The following CCDC110 variants were observed in gnomAD, a reference collection of about 807,000 sequenced individuals.
CCDC110 encodes coiled-coil domain containing 110, also known as coiled-coil domain-containing protein 110.
A neutral mutation model predicts 77.1 loss-of-function variants in CCDC110; 70 were observed. That is an observed-to-expected ratio of 0.91 (90% CI 0.75 to 1.11). The LOEUF is 1.11. CCDC110 is among the 50% of genes least tolerant of loss of function. The pLI is 0.00. For synonymous variants in CCDC110, 295 were observed against 312.5 expected (o/e 0.94, Z 0.59); for missense variants, 868 against 942.9 (o/e 0.92, Z 1.04).
chr4:185,462,853 G>GCTAA (rs1489798652), intron 3 of CCDC110, 141 bp downstream of exon 3: 3 of 1,013,996 alleles, frequency 3.0e-6, no homozygotes, highest in African/African-American at 3.2e-5. Context: ...TAGGCATTTT[G>GCTAA]CTAACTCCCC....
chr4:185,454,865 C>T (rs1208844455), intron 6 of CCDC110, among the ~76,000 whole-genome samples: 2 of 152,080 alleles, frequency 1.3e-5, no homozygotes, highest in Non-Finnish European at 2.9e-5. Context: ...TGGGGTCAAG[C>T]GATCCTCCTA....
At chr4:185,450,462 C>T (rs1389308068) in intron 6 of CCDC110, among the ~76,000 whole-genome samples, 1 of 152,122 alleles carries the variant, frequency 6.6e-6, no homozygotes, top group African/African-American at 2.4e-5. Flanking sequence ...AAAATATCTG[C>T]TCTAAGCCAG....
rs559020515 is a variant in CCDC110 at position 185,462,478 on chromosome 4, G to A, written c.237+165C>T. 2.6e-5 allele frequency among the ~76,000 whole-genome samples: 4 copies of A among 152,342 alleles called. No individual in the cohort carries two copies. In the South Asian group the frequency reaches 8.3e-4, roughly 32 times the overall value. ...TTTCCAAATACAAGTATAACAGAGA[G>A]AAGAATGTAGTTTCTTTAAAATAAA... On this transcript the variant is annotated intron_variant, in intron 4 of 6. Coordinates refer to ENST00000307588, the MANE Select transcript of CCDC110 (RefSeq NM_152775.4).
intron 2 of CCDC110, among the ~76,000 whole-genome samples, chr4:185,464,627 G>A (rs72712062): frequency 0.078 from 11,868 of 152,098 alleles, 556 homozygotes; most frequent in African/African-American, 0.12. Context: ...AGTGCAAATC[G>A]GGAAGAATAT....
At position 185,460,163 on chromosome 4, in the gene CCDC110, C is replaced by T. The variant is rs768938977; in HGVS notation, c.424G>A (p.Val142Met). 1 of 1,612,660 alleles carries T rather than the reference C, an allele frequency of 6.2e-7. No homozygotes were observed. The highest frequency in any genetic ancestry group is 8.5e-7 in the Non-Finnish European group (1 of 1,179,842). ...HFEDSKTLHS[V>M]EEKLSGDSVN... Reference sequence around the variant, plus strand: ...CTATCACCACTTAATTTTTCTTCCACTGAATGAAGTGTCTTGGAATCCTCA... The same window carrying T: ...CTATCACCACTTAATTTTTCTTCCATTGAATGAAGTGTCTTGGAATCCTCA... Residue 142 changes from valine to methionine, a missense_variant, in exon 6 of 7, where the codon GTG (valine) becomes ATG (methionine). Transcript: ENST00000307588.
Position 185,446,362 on chromosome 4 carries a change from T to C in CCDC110, c.2462-820A>G, listed in dbSNP as rs149260925. On this transcript the variant is annotated intron_variant, in intron 6 of 6. Coordinates refer to ENST00000307588, the MANE Select transcript of CCDC110 (RefSeq NM_152775.4). ...TGATACTGTCTTAAAACTTTGATAA[T>C]TTGGGGTGCTCTAACTTAGATGGTG... 9.2e-5 allele frequency among the ~76,000 whole-genome samples: 14 copies of C among 152,290 alleles called. No individual in the cohort carries two copies. The East Asian group carries it at 2.7e-3, about 29-fold the overall frequency.
chr4:185,445,287 C>A lies in CCDC110; in HGVS notation c.*215G>T. The stretch of plus-strand genomic sequence containing the variant: ...GCTCCTTCCATGTACAGGTACCTGC[C>A]CTCCCTTGTAGAAGTTCTCCCCCAT... On this transcript the variant is annotated 3_prime_UTR_variant, in exon 7 of 7. Coordinates refer to ENST00000307588, the MANE Select transcript of CCDC110 (RefSeq NM_152775.4). 1 of 734,332 alleles carries A rather than the reference C, an allele frequency of 1.4e-6. No homozygotes were observed. The highest frequency in any genetic ancestry group is 2.2e-6 in the Non-Finnish European group (1 of 459,308). The allele number at this position is 734,332 out of a possible 1,614,324, so 45.5% of individuals were successfully genotyped here. A position where few individuals can be genotyped will look rare whatever the true frequency, so the allele number is the denominator to read the frequency against.
intron 3 of CCDC110, 117 bp from the exon 4 acceptor site, chr4:185,462,825 T>A (rs867319181): frequency 4.8e-6 from 5 of 1,036,546 alleles, no homozygotes; most frequent in Middle Eastern, 2.0e-4. Context: ...CCCGTGAGGG[T>A]CAGGTGGTTC....
intron 5 of CCDC110, among the ~76,000 whole-genome samples, chr4:185,460,493 T>G (rs1204662186): frequency 1.3e-5 from 2 of 152,188 alleles, no homozygotes; most frequent in Non-Finnish European, 2.9e-5. Context: ...ACCCCTCAAT[T>G]TCAGAAATAT....
chr4:185,449,582 T>C, intron 6 of CCDC110: 1 of 1,517,798 alleles, frequency 6.6e-7, no homozygotes, highest in Non-Finnish European at 8.9e-7. Context: ...TGTGTGTTTA[T>C]TTTCCAATTT....
At chr4:185,465,453 C>CT (rs767742394) in intron 2 of CCDC110, among the ~76,000 whole-genome samples, 4 of 152,130 alleles carry the variant, frequency 2.6e-5, no homozygotes, top group South Asian at 2.1e-4. Flanking sequence ...TCTCTTCTTC[C>CT]TTTTTTGGCC....
At position 185,449,806 on chromosome 4, in the gene CCDC110, A is replaced by G. The variant is rs1379210352; in HGVS notation, c.2462-4264T>C. 17 of 459,612 alleles carry G rather than the reference A, an allele frequency of 3.7e-5. No homozygotes were observed. In the South Asian group the frequency reaches 8.5e-4, roughly 23 times the overall value. 28.5% of individuals were successfully genotyped at this position (459,612 alleles called of 1,614,324 possible). The stretch of plus-strand genomic sequence containing the variant: ...TTCCTTATTTTAATACTACTAGTTA[A>G]TAAATAGTATTTGCTAATAACACGT... On this transcript the variant is annotated intron_variant, in intron 6 of 6. Coordinates refer to ENST00000307588, the MANE Select transcript of CCDC110 (RefSeq NM_152775.4).
chr4:185,449,696 C>A, intron 6 of CCDC110: 1 of 1,230,526 alleles, frequency 8.1e-7, no homozygotes, highest in Non-Finnish European at 1.1e-6. Flanking sequence ...AATTCACTAT[C>A]AAGAGCTAAT....
chr4:185,457,721 G>T, intron 6 of CCDC110: 8 of 1,248,006 alleles, frequency 6.4e-6, no homozygotes, highest in Non-Finnish European at 8.5e-6. Flanking sequence ...TTTGTGGGGG[G>T]AAAAAGTACT....
chr4:185,456,335 A>G (rs1412624450), intron 6 of CCDC110, among the ~76,000 whole-genome samples: 1 of 152,224 alleles, frequency 6.6e-6, no homozygotes, highest in Non-Finnish European at 1.5e-5. Context: ...CTGTGATGCT[A>G]TTAATGCAGG....
At chr4:185,461,989 T>C (rs939126338) in intron 4 of CCDC110, among the ~76,000 whole-genome samples, 2 of 152,058 alleles carry the variant, frequency 1.3e-5, no homozygotes, top group African/African-American at 4.8e-5. Context: ...TCCCAGCTAC[T>C]CAGGAGGCTG....
chr4:185,465,510 G>A (rs766953287), intron 2 of CCDC110, among the ~76,000 whole-genome samples: 1 of 152,198 alleles, frequency 6.6e-6, no homozygotes, highest in Admixed American at 6.5e-5. Flanking sequence ...ACCCATGGGA[G>A]CACAAGATGA....
rs2153322737 is a variant in CCDC110, at chr4:185,462,999, A to G, written c.166T>C (p.Leu56=). 1 of 1,613,068 alleles carries G rather than the reference A, an allele frequency of 6.2e-7. No homozygotes were observed. The highest frequency in any genetic ancestry group is 8.5e-7 in the Non-Finnish European group (1 of 1,179,056). ...SENQIQPQSA[L]KVLQQQLESF... Reference sequence around the variant, plus strand: ...AAAATGGAATATAGACTCACTTTCAATGCTGATTGTGGTTGGATTTGATTT... The same window carrying G: ...AAAATGGAATATAGACTCACTTTCAGTGCTGATTGTGGTTGGATTTGATTT... Residue 56 remains leucine, a synonymous_variant, in exon 3 of 7, where the codon TTG becomes CTG. Transcript: ENST00000307588.
At position 185,458,453 on chromosome 4, in the gene CCDC110, T is replaced by C. The variant is rs368415101; in HGVS notation, c.2134A>G (p.Lys712Glu). The C allele has an allele frequency of 1.1e-5, 18 of 1,599,472 alleles. No individual in the cohort carries two copies. The African/African-American group carries it at 2.3e-4, about 20-fold the overall frequency. Residue 712 changes from lysine to glutamate, a missense_variant, in exon 6 of 7, where the codon AAA (lysine) becomes GAA (glutamate). By Grantham distance (56) the Lys-to-Glu change is moderately conservative (BLOSUM62 1). Transcript: ENST00000307588. ...EMLSKMVMET[K>E]TDNQILKEEL... ...TCTTTTAGAATCTGATTATCTGTTTTGGTTTCCATTACCATTTTTGATAAC... is the reference window on the plus strand; with the variant it reads ...TCTTTTAGAATCTGATTATCTGTTTCGGTTTCCATTACCATTTTTGATAAC...
Sources: gnomAD v4.1 joint callset for allele counts (sites outside exome capture counted in the v4.1 genomes callset) on GRCh38, gnomAD v4.1.1 for gene constraint, MANE v1.5 for transcripts, NCBI Gene and HGNC (gene_info 2026-07-23, HGNC 2026-07-21) for gene names.